The following FGF13 variants were observed in gnomAD, a reference collection of about 807,000 sequenced individuals.
FGF13 encodes fibroblast growth factor 13.
Under a neutral mutation model 19.5 loss-of-function variants are expected in FGF13, and 2 were observed. The observed-to-expected ratio is 0.10, with a 90% CI of 0.04 to 0.32. FGF13 has a LOEUF of 0.32. Among genes scored for constraint, FGF13 ranks in the 10% least tolerant of loss-of-function variants. FGF13 has a pLI of 1.00. For synonymous variants in FGF13, 72 were observed against 76.9 expected (o/e 0.94, Z 0.33); for missense variants, 113 against 192.7 (o/e 0.59, Z 2.45).
chrX:138,768,726 T>TATA (rs1226957604), intron 3 of FGF13, among the ~76,000 whole-genome samples: 12 of 97,868 alleles, frequency 1.2e-4, no homozygotes, highest in African/African-American at 5.0e-4. Context: ...TAAGTATATA[T>TATA]TATATATATA....
chrX:138,804,206 A>G (rs2090849746), intron 3 of FGF13, among the ~76,000 whole-genome samples: 2 of 112,246 alleles, frequency 1.8e-5, no homozygotes, highest in South Asian at 7.5e-4. Context: ...AGGAAAAGGC[A>G]CTGAAGTTAA....
At chrX:138,841,566 C>T (rs942876446) in intron 3 of FGF13, among the ~76,000 whole-genome samples, 3 of 110,087 alleles carry the variant, frequency 2.7e-5, no homozygotes, top group Non-Finnish European at 3.8e-5. Flanking sequence ...AAGGAAGGAA[C>T]GGACCTTATC....
chrX:138,942,483 G>A (rs1174217594), intron 1 of FGF13, among the ~76,000 whole-genome samples: 1 of 111,977 alleles, frequency 8.9e-6, no homozygotes, highest in African/African-American at 3.2e-5. Context: ...GGTTAGCTGT[G>A]TATGAGCTAC....
chrX:138,671,425 C>T (rs769605377), intron 3 of FGF13, among the ~76,000 whole-genome samples: 73 of 111,547 alleles, frequency 6.5e-4, no homozygotes, highest in Non-Finnish European at 2.8e-4. Flanking sequence ...GATATTTATC[C>T]ATTACATTGA....
At chrX:139,081,110 C>G (rs2083367624) in intron 1 of FGF13, among the ~76,000 whole-genome samples, 1 of 111,084 alleles carries the variant, frequency 9.0e-6, no homozygotes, top group Non-Finnish European at 1.9e-5. Context: ...TCCTCCCATT[C>G]TCTTTTGAAA....
At chrX:138,699,890 A>C (rs2089930340) in intron 3 of FGF13, among the ~76,000 whole-genome samples, 1 of 111,798 alleles carries the variant, frequency 8.9e-6, no homozygotes, top group African/African-American at 3.3e-5. Flanking sequence ...CTTGAAAGCT[A>C]TACTCAGGTA....
chrX:138,985,280 C>T (rs960364124), intron 1 of FGF13, among the ~76,000 whole-genome samples: 2 of 112,225 alleles, frequency 1.8e-5, no homozygotes, highest in Non-Finnish European at 3.8e-5. Context: ...GCTAAGTTAA[C>T]AAGGTTCATA....
intron 3 of FGF13, among the ~76,000 whole-genome samples, chrX:138,760,175 T>C (rs1001961131): frequency 1.8e-5 from 2 of 111,372 alleles, no homozygotes; most frequent in Non-Finnish European, 3.8e-5. Context: ...CCCAGATCGA[T>C]GTTATTTATA....
chrX:139,017,684 A>G (rs1189231430), intron 1 of FGF13, among the ~76,000 whole-genome samples: 2 of 111,613 alleles, frequency 1.8e-5, no homozygotes, highest in East Asian at 5.7e-4. Flanking sequence ...GCCTGACCAC[A>G]GAGAATGCCT....
intron 1 of FGF13, among the ~76,000 whole-genome samples, chrX:139,066,485 A>T (rs182119863): frequency 2.3e-4 from 26 of 112,198 alleles, no homozygotes; most frequent in Non-Finnish European, 4.5e-4. Flanking sequence ...ATCACCACTG[A>T]TCCCACAGAA....
intron 3 of FGF13, among the ~76,000 whole-genome samples, chrX:138,810,214 C>G: frequency 8.9e-6 from 1 of 111,813 alleles, no homozygotes; most frequent in African/African-American, 3.3e-5. Flanking sequence ...CTACAATAAC[C>G]AAAACAGCAT....
intron 1 of FGF13, among the ~76,000 whole-genome samples, chrX:139,000,782 G>A (rs958944701): frequency 8.9e-6 from 1 of 111,808 alleles, no homozygotes; most frequent in East Asian, 2.8e-4. Context: ...CAGATTCAAT[G>A]CCATCACCAT....
chrX:139,049,159 T>TA (rs200732160), intron 1 of FGF13, among the ~76,000 whole-genome samples: 1,369 of 111,315 alleles, frequency 0.012, 28 homozygotes, highest in African/African-American at 0.042. Context: ...ATGTGGAAGC[T>TA]AAAAAAATTG....
intron 1 of FGF13, among the ~76,000 whole-genome samples, chrX:138,899,766 A>G (rs1254939983): frequency 9.0e-6 from 1 of 111,400 alleles, no homozygotes; most frequent in Non-Finnish European, 1.9e-5. Context: ...TACCCCAAAA[A>G]GAATATTTTT....
intron 3 of FGF13, among the ~76,000 whole-genome samples, chrX:138,812,869 C>A (rs1473733509): frequency 9.0e-6 from 1 of 110,623 alleles, no homozygotes; most frequent in Non-Finnish European, 1.9e-5. Context: ...CTGTAACAGG[C>A]CCTGGCGTGT....
intron 1 of FGF13, among the ~76,000 whole-genome samples, chrX:139,105,865 T>C (rs1446394780): frequency 5.4e-5 from 6 of 112,066 alleles, no homozygotes; most frequent in East Asian, 5.6e-4. Context: ...GAGATTACAA[T>C]AGGGCTTTTT....
chrX:138,951,169 T>C (rs957760248), intron 1 of FGF13, among the ~76,000 whole-genome samples: 2 of 111,723 alleles, frequency 1.8e-5, no homozygotes, highest in Non-Finnish European at 3.8e-5. Context: ...CAAAGATCTG[T>C]TGAACTTCAA....
rs747495238 is a variant in FGF13, at chrX:138,999,945, C to T, written c.-112-135295G>A. Among the ~76,000 whole-genome samples the T allele has an allele frequency of 8.1e-5, 9 of 111,724 alleles. No individual in the cohort carries two copies. In the South Asian group the frequency reaches 1.9e-3, roughly 23 times the overall value. On this transcript the variant is annotated intron_variant, in intron 1 of 2. Coordinates refer to the FGF13 transcript ENST00000421460. ...CGATGCAAAATTCTCAATAAAATAC[C>T]GGCAAACTGAATCCAGCAGCACATC...
chrX:139,000,833 A>T (rs1481207165), intron 1 of FGF13, among the ~76,000 whole-genome samples: 5 of 111,953 alleles, frequency 4.5e-5, no homozygotes, highest in Non-Finnish European at 9.4e-5. Flanking sequence ...GGAAAAAAAC[A>T]ACTTTAAATT....
Sources: allele counts gnomAD v4.1 joint callset (sites outside exome capture counted in the v4.1 genomes callset), GRCh38; gene constraint gnomAD v4.1.1; transcripts MANE v1.5; gene names NCBI Gene and HGNC (gene_info 2026-07-23, HGNC 2026-07-21).